The following ZNF521 variants were observed in gnomAD, a reference collection of about 807,000 sequenced individuals.
The protein encoded by ZNF521 is LYST-interacting protein 3.
A neutral mutation model predicts 105.5 loss-of-function variants in ZNF521; 14 were observed. The ratio of observed to expected loss-of-function variants is 0.13; its 90% CI spans 0.09 to 0.21. The LOEUF is 0.21. ZNF521 is among the 10% of genes least tolerant of loss of function. The pLI is 1.00. For synonymous variants in ZNF521, 635 were observed against 606.0 expected, an observed-to-expected ratio of 1.05 and a Z score of -0.70; for missense variants, 1,233 against 1,629.7, an observed-to-expected ratio of 0.76 and a Z score of 4.19.
Position 25,224,326 on chromosome 18 carries a change from A to AT in ZNF521, c.3573+18dup, listed in dbSNP as rs1427813623. Reference sequence around the variant, plus strand: ...TTCTTGAGGAGGTTAAATAGCAAACATTAAAAAAGGCGAGTTACCTCATCC... The same window carrying AT: ...TTCTTGAGGAGGTTAAATAGCAAACATTTAAAAAAGGCGAGTTACCTCATCC... On this transcript the variant is annotated intron_variant, in intron 4 of 7. Coordinates refer to ENST00000361524, the MANE Select transcript of ZNF521 (RefSeq NM_015461.3). 1 of 1,592,430 alleles carries AT rather than the reference A, an allele frequency of 6.3e-7. No individual in the cohort carries two copies. Among genetic ancestry groups the AT allele is most frequent in the African/African-American group, 1.3e-5 (1 of 74,200 alleles).
At chr18:25,234,814 C>T (rs925543822) in intron 3 of ZNF521, among the ~76,000 whole-genome samples, 1 of 151,660 alleles carries the variant, frequency 6.6e-6, no homozygotes, top group Non-Finnish European at 1.5e-5. Context: ...TTTTTAATGA[C>T]TTAAAGGGCA....
chr18:25,287,896 G>A (rs188170821), intron 3 of ZNF521, among the ~76,000 whole-genome samples: 267 of 152,276 alleles, frequency 1.8e-3, no homozygotes, highest in African/African-American at 5.8e-3. Context: ...CTACTTGCTT[G>A]TATCTGTCTA....
At chr18:25,339,182 A>G (rs532004634) in intron 2 of ZNF521, among the ~76,000 whole-genome samples, 1 of 152,350 alleles carries the variant, frequency 6.6e-6, no homozygotes, top group South Asian at 2.1e-4. Context: ...TAAAGTTAAC[A>G]TTATGAGAGA....
intron 2 of ZNF521, among the ~76,000 whole-genome samples, chr18:25,332,800 T>C (rs1446905064): frequency 6.6e-6 from 1 of 152,160 alleles, no homozygotes; most frequent in Admixed American, 6.5e-5. Flanking sequence ...CCTCACCAAA[T>C]GTGCATTCAA....
intron 5 of ZNF521, among the ~76,000 whole-genome samples, chr18:25,194,645 A>T (rs1390080343): frequency 6.6e-6 from 1 of 151,712 alleles, no homozygotes; most frequent in Non-Finnish European, 1.5e-5. Flanking sequence ...TCTTTACATG[A>T]TCTTTATGAT....
At chr18:25,303,304 G>T (rs1248601075) in intron 3 of ZNF521, among the ~76,000 whole-genome samples, 1 of 111,098 alleles carries the variant, frequency 9.0e-6, no homozygotes, top group Non-Finnish European at 1.8e-5. Context: ...GTGTGTGTGT[G>T]TGTGTGAGAG....
At chr18:25,155,614 C>T (rs952503231) in intron 5 of ZNF521, among the ~76,000 whole-genome samples, 2 of 152,014 alleles carry the variant, frequency 1.3e-5, no homozygotes, top group African/African-American at 4.8e-5. Context: ...AAGATAAGGG[C>T]CCAATTTCAT....
intron 7 of ZNF521, among the ~76,000 whole-genome samples, chr18:25,070,502 C>T (rs1435441299): frequency 6.6e-6 from 1 of 152,172 alleles, no homozygotes; most frequent in African/African-American, 2.4e-5. Context: ...ACATAAAACA[C>T]ATCCCATTCA....
rs112871338 is a variant in ZNF521, at chr18:25,288,967, T to C, written c.220+33041A>G. 3.0e-3 allele frequency among the ~76,000 whole-genome samples: 450 copies of C among 152,346 alleles called. 1 individual carries two copies. The highest frequency in any genetic ancestry group is 9.8e-3 in the African/African-American group (409 of 41,562). On this transcript the variant is annotated intron_variant, in intron 3 of 7. Coordinates refer to ENST00000361524, the MANE Select transcript of ZNF521 (RefSeq NM_015461.3). The stretch of plus-strand genomic sequence containing the variant: ...GTTTTCTAAAACTTAAGGCTATTGA[T>C]AATAAAAGCATTTTTTTTAACTTTC...
In ZNF521 at chr18:25,225,950, A is replaced by G. The variant is rs760895153; in HGVS notation, c.1968T>C (p.His656=). The change falls in exon 4 of 8, where the codon CAT becomes CAC. Residue 656 remains histidine (H), a synonymous_variant. Coordinates refer to ENST00000361524, the MANE Select transcript of ZNF521 (RefSeq NM_015461.3). This position sits in a 1 kb window ranked among gnomAD's most constrained non-coding sequence, Gnocchi z 5.6. ...LDSFQTHLKT[H]LDTVLPKLTC... ...TCAATTTTGGAAGCACAGTGTCGAG[A>G]TGAGTTTTTAGGTGAGTCTGAAAGC... 1.9e-6 allele frequency: 3 copies of G among 1,613,952 alleles called. No homozygotes were observed. The highest frequency in any genetic ancestry group is 3.3e-5 in the Admixed American group (2 of 60,014).
chr18:25,279,948 C>G (rs568287365), intron 3 of ZNF521, among the ~76,000 whole-genome samples: 1 of 152,166 alleles, frequency 6.6e-6, no homozygotes, highest in African/African-American at 2.4e-5. Flanking sequence ...TAGCATTTTA[C>G]AGCATAATGT....
At chr18:25,257,328 T>C (rs755696701) in intron 3 of ZNF521, among the ~76,000 whole-genome samples, 9 of 152,184 alleles carry the variant, frequency 5.9e-5, no homozygotes, top group Non-Finnish European at 8.8e-5. Flanking sequence ...TTAATATAAA[T>C]ATCAAGCTAG....
intron 2 of ZNF521, among the ~76,000 whole-genome samples, chr18:25,331,047 A>G (rs1319236515): frequency 6.6e-6 from 1 of 152,222 alleles, no homozygotes; most frequent in African/African-American, 2.4e-5. Context: ...CTTTGGCATG[A>G]GCCTTTCTTC....
intron 7 of ZNF521, among the ~76,000 whole-genome samples, chr18:25,077,330 G>A (rs2033386247): frequency 6.6e-6 from 1 of 152,150 alleles, no homozygotes; most frequent in Non-Finnish European, 1.5e-5. Context: ...ACGATGGCAT[G>A]CTGATTGCTA....
intron 2 of ZNF521, among the ~76,000 whole-genome samples, chr18:25,324,282 C>T (rs1004033766): frequency 6.6e-6 from 1 of 152,010 alleles, no homozygotes; most frequent in Non-Finnish European, 1.5e-5. Context: ...CAGGAACAGA[C>T]CAGTTACCTG....
At chr18:25,097,148 A>C (rs1293261640) in intron 5 of ZNF521, among the ~76,000 whole-genome samples, 1 of 152,154 alleles carries the variant, frequency 6.6e-6, no homozygotes, top group African/African-American at 2.4e-5. Context: ...CCCCTCGGCT[A>C]CATTGGCTCG....
At chr18:25,157,449 C>T (rs1338998633) in intron 5 of ZNF521, among the ~76,000 whole-genome samples, 4 of 152,124 alleles carry the variant, frequency 2.6e-5, no homozygotes, top group Admixed American at 2.6e-4. Flanking sequence ...TAAGAGTGTT[C>T]TTTTACTTTC....
chr18:25,351,072 C>T (rs941508396), intron 1 of ZNF521, 125 bp from the exon 2 acceptor site: 4 of 536,998 alleles, frequency 7.4e-6, no homozygotes, highest in Non-Finnish European at 1.0e-5. Context: ...CGCCCTCGCT[C>T]CGCGCTCCGC....
intron 5 of ZNF521, among the ~76,000 whole-genome samples, chr18:25,191,173 C>G (rs2035811278): frequency 6.6e-6 from 1 of 152,020 alleles, no homozygotes; most frequent in African/African-American, 2.4e-5. Flanking sequence ...ACTGGTCTCT[C>G]TAGTCAGATG....
Sources: gnomAD v4.1 joint callset for allele counts (sites outside exome capture counted in the v4.1 genomes callset) on GRCh38, gnomAD v4.1.1 for gene constraint, Gnocchi (gnomAD v3.1) non-coding constraint, MANE v1.5 for transcripts, NCBI Gene and HGNC (gene_info 2026-07-23, HGNC 2026-07-21) for gene names.